PDSS2: variants seen among roughly 807,000 people sequenced by gnomAD.
The protein encoded by PDSS2 is all trans-polyprenyl-diphosphate synthase PDSS2.
A neutral mutation model predicts 44.5 loss-of-function variants in PDSS2; 31 were observed. That is an observed-to-expected ratio of 0.70 (90% confidence interval 0.52 to 0.94). The LOEUF is 0.94. Ranked by LOEUF, PDSS2 falls within the 40% of genes least tolerant of loss-of-function variation. The pLI, the probability that PDSS2 is intolerant of heterozygous loss-of-function variation, is 0.00. For missense variants in PDSS2, 452 were observed against 482.2 expected (o/e 0.94, Z 0.59); for synonymous variants, 157 against 180.3 (o/e 0.87, Z 1.03).
At chr6:107,361,037 T>C (rs1167163414) in intron 1 of PDSS2, among the ~76,000 whole-genome samples, 2 of 152,156 alleles carry the variant, frequency 1.3e-5, no homozygotes, top group East Asian at 3.8e-4. Context: ...AATGCTATAA[T>C]TTACATATAT....
chr6:107,423,286 A>G (rs569011590), intron 1 of PDSS2, among the ~76,000 whole-genome samples: 1 of 152,338 alleles, frequency 6.6e-6, no homozygotes, highest in Admixed American at 6.5e-5. Flanking sequence ...GGACAGCAAA[A>G]AGGGAAAAGA....
intron 1 of PDSS2, among the ~76,000 whole-genome samples, chr6:107,379,254 C>T (rs780091417): frequency 1.2e-4 from 18 of 152,136 alleles, no homozygotes; most frequent in Non-Finnish European, 2.2e-4. Flanking sequence ...GGCTTTATTG[C>T]ATTTTGATCA....
At chr6:107,365,049 C>G (rs1022213987) in intron 1 of PDSS2, among the ~76,000 whole-genome samples, 1 of 152,000 alleles carries the variant, frequency 6.6e-6, no homozygotes, top group African/African-American at 2.4e-5. Context: ...AGACAGTAAT[C>G]TGAATCTACA....
intron 2 of PDSS2, among the ~76,000 whole-genome samples, chr6:107,328,559 AGCCACCGT>A (rs1250511074): frequency 6.6e-6 from 1 of 152,148 alleles, no homozygotes; most frequent in Non-Finnish European, 1.5e-5. Flanking sequence ...TACAGGTGTG[AGCCACCGT>A]GCCCAGCCTG....
chr6:107,418,044 G>C (rs1014643471), intron 1 of PDSS2, among the ~76,000 whole-genome samples: 1 of 152,044 alleles, frequency 6.6e-6, no homozygotes, highest in Non-Finnish European at 1.5e-5. Context: ...GACTAGGAAG[G>C]AAAATGTCAA....
intron 2 of PDSS2, among the ~76,000 whole-genome samples, chr6:107,276,913 C>A (rs934499144): frequency 6.6e-6 from 1 of 152,212 alleles, no homozygotes; most frequent in Non-Finnish European, 1.5e-5. Flanking sequence ...GCCCAGCCCC[C>A]TGCACATTTA....
Position 107,155,142 on chromosome 6 carries a change from C to CT in PDSS2, c.1042-366dup, listed in dbSNP as rs67631229. On this transcript the variant is annotated intron_variant, in intron 7 of 7. Coordinates refer to ENST00000369037, the MANE Select transcript of PDSS2 (RefSeq NM_020381.4). ...GAATTCAGCAGCCTGATATTCTTCC[C>CT]TTTTTTTTTTTTTTTTTTAAAGAGA... 3.1e-3 allele frequency among the ~76,000 whole-genome samples: 433 copies of CT among 140,534 alleles called. 3 individuals carry two copies. Among genetic ancestry groups the CT allele is most frequent in the Middle Eastern group, 0.011 (3 of 266 alleles). The allele number at this position is 140,534 out of a possible 152,430, so 92.2% of individuals were successfully genotyped here.
At chr6:107,310,062 G>T (rs1026447267) in intron 2 of PDSS2, among the ~76,000 whole-genome samples, 1 of 152,028 alleles carries the variant, frequency 6.6e-6, no homozygotes, top group African/African-American at 2.4e-5. Context: ...GAGGCAAGTG[G>T]ATCATGAGGT....
chr6:107,231,891 G>C (rs557825759), intron 4 of PDSS2, among the ~76,000 whole-genome samples: 17 of 151,740 alleles, frequency 1.1e-4, no homozygotes, highest in African/African-American at 4.1e-4. Flanking sequence ...GAACCCGGGA[G>C]GTGGAGGTTG....
At chr6:107,284,940 C>G (rs1252807598) in intron 2 of PDSS2, among the ~76,000 whole-genome samples, 1 of 152,166 alleles carries the variant, frequency 6.6e-6, no homozygotes, top group African/African-American at 2.4e-5. Flanking sequence ...CACAACAGCT[C>G]TCTGAGGTAA....
intron 3 of PDSS2, among the ~76,000 whole-genome samples, chr6:107,260,886 T>A (rs1336028702): frequency 6.6e-6 from 1 of 151,970 alleles, no homozygotes. Context: ...ATGGTCTCGA[T>A]CTCCTGACCT....
At chr6:107,379,754 C>T (rs1779399683) in intron 1 of PDSS2, among the ~76,000 whole-genome samples, 3 of 151,790 alleles carry the variant, frequency 2.0e-5, no homozygotes, top group Admixed American at 2.0e-4. Flanking sequence ...TTGTTTTTAG[C>T]TTTTTAATTC....
chr6:107,163,075 T>C (rs937308090), intron 7 of PDSS2, among the ~76,000 whole-genome samples: 9 of 152,240 alleles, frequency 5.9e-5, no homozygotes, highest in Non-Finnish European at 4.4e-5. Context: ...GCTATGACAT[T>C]GTCATTTTGA....
chr6:107,262,589 G>A (rs1451277157), intron 3 of PDSS2, among the ~76,000 whole-genome samples: 1 of 151,960 alleles, frequency 6.6e-6, no homozygotes, highest in Non-Finnish European at 1.5e-5. Flanking sequence ...TGGCTAACAC[G>A]GTGAAACCCC....
intron 2 of PDSS2, among the ~76,000 whole-genome samples, chr6:107,293,592 C>T (rs1294684581): frequency 1.3e-5 from 2 of 152,118 alleles, no homozygotes; most frequent in Non-Finnish European, 2.9e-5. Context: ...TTACAAAGAG[C>T]ACACTGGAGT....
intron 1 of PDSS2, among the ~76,000 whole-genome samples, chr6:107,456,231 G>C (rs916162965): frequency 6.6e-6 from 1 of 152,164 alleles, no homozygotes; most frequent in Non-Finnish European, 1.5e-5. Context: ...TGAGGCAGGA[G>C]AATTACTTGA....
rs192269454 is a variant in PDSS2 at position 107,264,457 on chromosome 6, G to A, written c.630+9572C>T. Reference sequence around the variant, plus strand: ...TCTTGGGTGTTTAGACAAGATCCAGGCTGACTCACAGTCTCCCATCTGATA... The same window carrying A: ...TCTTGGGTGTTTAGACAAGATCCAGACTGACTCACAGTCTCCCATCTGATA... On this transcript the variant is annotated intron_variant, in intron 3 of 7. Coordinates refer to ENST00000369037, the MANE Select transcript of PDSS2 (RefSeq NM_020381.4). The A allele has an allele frequency of 5.7e-5, 89 of 1,549,606 alleles. 1 individual carries two copies. The East Asian group carries it at 2.0e-3, about 35-fold the overall frequency.
At chr6:107,346,722 G>T (rs576971481) in intron 1 of PDSS2, among the ~76,000 whole-genome samples, 1 of 152,274 alleles carries the variant, frequency 6.6e-6, no homozygotes, top group Non-Finnish European at 1.5e-5. Flanking sequence ...GAAAGATAAT[G>T]ATTACAGCAG....
intron 2 of PDSS2, among the ~76,000 whole-genome samples, chr6:107,325,575 C>G (rs2500581): frequency 0.75 from 113,613 of 151,952 alleles, 44,018 homozygotes; most frequent in East Asian, 0.97. Flanking sequence ...TTTTTTTATA[C>G]TTTATTATTT....
Sources: allele counts gnomAD v4.1 joint callset (sites outside exome capture counted in the v4.1 genomes callset), GRCh38; gene constraint gnomAD v4.1.1; transcripts MANE v1.5; gene names NCBI Gene and HGNC (gene_info 2026-07-23, HGNC 2026-07-21).